Variants in NLRP8 observed in about 807,000 individuals in gnomAD.
The protein encoded by NLRP8 is NACHT, LRR and PYD domains-containing protein 8.
In NLRP8, 86 loss-of-function variants were observed where a neutral mutation model predicts 88.7. The ratio of observed to expected loss-of-function variants is 0.97; its 90% confidence interval spans 0.81 to 1.16. NLRP8 has a LOEUF of 1.16. Ranked by LOEUF, NLRP8 falls within the 50% of genes most tolerant of loss-of-function variation. The pLI is 0.00. For synonymous variants in NLRP8, 504 were observed against 494.6 expected (o/e 1.02, Z -0.25); for missense variants, 1,342 against 1,286.5 (o/e 1.04, Z -0.66).
intron 9 of NLRP8, among the ~76,000 whole-genome samples, chr19:55,983,091 G>A (rs1329900438): frequency 6.6e-6 from 1 of 152,140 alleles, no homozygotes; most frequent in African/African-American, 2.4e-5. Flanking sequence ...CTTGGTTCTT[G>A]TCTTCATTTA....
Position 55,970,696 on chromosome 19 carries a change from C to T in NLRP8, c.2534C>T (p.Ser845Leu), listed in dbSNP as rs770021145. ...TCTGTGGCCCAGCTGGAGAGGCTGT[C>T]GTAAGTCTCCTTTCTAGTGGCTGTG... Residue 845 changes from serine (S) to leucine (L), a missense_variant and splice_region_variant, in exon 6 of 10, where the codon TCG becomes TTG. Coordinates refer to ENST00000291971, the MANE Select transcript of NLRP8 (RefSeq NM_176811.2). The T allele has an allele frequency of 2.9e-5, 46 of 1,613,686 alleles. No individual in the cohort carries two copies. In the Middle Eastern group the frequency reaches 4.9e-4, roughly 17 times the overall value.
chr19:55,965,831 G>A (rs558467258), intron 4 of NLRP8, among the ~76,000 whole-genome samples: 2 of 118,134 alleles, frequency 1.7e-5, no homozygotes, highest in South Asian at 6.4e-4. Flanking sequence ...AGAGGCCCCG[G>A]TATGTGATGT....
At position 55,970,702 on chromosome 19, in the gene NLRP8, TCTC is replaced by T. The variant is rs1239684052; in HGVS notation, c.2534+9_2534+11del. On this transcript the variant is annotated splice_region_variant and intron_variant, in intron 6 of 9. Transcript: ENST00000291971. ...GCCCAGCTGGAGAGGCTGTCGTAAG[TCTC>T]CTTTCTAGTGGCTGTGGTTGTGGTT... is the stretch of plus-strand genomic sequence containing the variant. 2 of 1,613,890 alleles carry T rather than the reference TCTC, an allele frequency of 1.2e-6. No homozygotes were observed. Among genetic ancestry groups the T allele is most frequent in the Admixed American group, 3.3e-5 (2 of 59,964 alleles).
Position 55,973,740 on chromosome 19 carries a change from G to A in NLRP8, c.2623G>A (p.Ala875Thr), listed in dbSNP as rs762558643. The A allele has an allele frequency of 6.2e-7, 1 of 1,613,928 alleles. No individual in the cohort carries two copies. Among genetic ancestry groups the A allele is most frequent in the African/African-American group, 1.3e-5 (1 of 74,898 alleles). ...TAAGATGCTGACCCACCTGAGCTTGGCAGAAAACGCCTTGAAAGATGAAGG... is the reference window on the plus strand; with the variant it reads ...TAAGATGCTGACCCACCTGAGCTTGACAGAAAACGCCTTGAAAGATGAAGG... Residue 875 changes from alanine (A) to threonine (T), a missense_variant, in exon 7 of 10, where the codon GCA (alanine) becomes ACA (threonine). Ala to Thr is a moderately conservative substitution (Grantham distance 58). Coordinates refer to ENST00000291971, the MANE Select transcript of NLRP8 (RefSeq NM_176811.2).
At chr19:55,957,062 G>A (rs915489882) in intron 3 of NLRP8, among the ~76,000 whole-genome samples, 1 of 152,124 alleles carries the variant, frequency 6.6e-6, no homozygotes, top group Non-Finnish European at 1.5e-5. Flanking sequence ...CAAAGCACTG[G>A]AATTACAGGC....
At chr19:55,974,071 C>T (rs1007895466) in intron 7 of NLRP8, among the ~76,000 whole-genome samples, 3 of 151,794 alleles carry the variant, frequency 2.0e-5, no homozygotes, top group African/African-American at 7.3e-5. Flanking sequence ...AGAAGGACTG[C>T]AGGGTATTTT....
chr19:55,969,426 G>T (rs944028605), intron 5 of NLRP8, among the ~76,000 whole-genome samples: 3 of 152,190 alleles, frequency 2.0e-5, no homozygotes, highest in Non-Finnish European at 4.4e-5. Context: ...TGCTGCAAAA[G>T]ACATCATTTC....
chr19:55,953,270 T>C (rs1391798741), intron 2 of NLRP8, among the ~76,000 whole-genome samples: 1 of 152,074 alleles, frequency 6.6e-6, no homozygotes, highest in African/African-American at 2.4e-5. Context: ...GACCATCGAG[T>C]TGCGGGAAAA....
At chr19:55,951,761 T>C (rs557293222) in intron 1 of NLRP8, among the ~76,000 whole-genome samples, 4 of 152,192 alleles carry the variant, frequency 2.6e-5, no homozygotes, top group Non-Finnish European at 5.9e-5. Flanking sequence ...GGGTTTTTTA[T>C]TTTTTTGAGA....
chr19:55,976,748 G>A (rs1980353689), intron 8 of NLRP8, among the ~76,000 whole-genome samples: 1 of 149,998 alleles, frequency 6.7e-6, no homozygotes, highest in Admixed American at 6.7e-5. Flanking sequence ...ATATAAAGAT[G>A]TATCTAAAGA....
At chr19:55,984,647 A>C (rs1600320887) in intron 9 of NLRP8, among the ~76,000 whole-genome samples, 7 of 93,574 alleles carry the variant, frequency 7.5e-5, no homozygotes, top group African/African-American at 1.7e-4. Flanking sequence ...AAAGCAAAAC[A>C]CTGTCTCCAA....
intron 9 of NLRP8, among the ~76,000 whole-genome samples, chr19:55,986,836 T>C (rs1980866545): frequency 6.6e-6 from 1 of 152,160 alleles, no homozygotes; most frequent in Non-Finnish European, 1.5e-5. Flanking sequence ...GTATTCCTCC[T>C]GTCTTGCTCT....
At chr19:55,987,120 G>A (rs996010359) in intron 9 of NLRP8, among the ~76,000 whole-genome samples, 15 of 152,356 alleles carry the variant, frequency 9.8e-5, no homozygotes, top group Admixed American at 9.8e-4. Context: ...TATAATCCCA[G>A]CACTTTGGGA....
intron 9 of NLRP8, among the ~76,000 whole-genome samples, chr19:55,981,512 A>G (rs1301434645): frequency 6.6e-6 from 1 of 152,192 alleles, no homozygotes; most frequent in African/African-American, 2.4e-5. Flanking sequence ...CTTCAAGGGT[A>G]TTAGAAAAAT....
chr19:55,986,419 T>TTC (rs570720036), intron 9 of NLRP8, among the ~76,000 whole-genome samples: 1 of 130,142 alleles, frequency 7.7e-6, no homozygotes, highest in Non-Finnish European at 1.7e-5. Flanking sequence ...GTCTCACACA[T>TTC]TCTCTCTCTC....
Position 55,955,071 on chromosome 19 carries a change from C to T in NLRP8, c.1013C>T (p.Ser338Phe), listed in dbSNP as rs199475837. ...CTACTGATCATGATAAGATTTACCT[C>T]TTGGCAGACATGCAAGCCCTTGCTG... The change falls in exon 3 of 10, where the codon TCT (serine) becomes TTT (phenylalanine). Residue 338 changes from serine (S) to phenylalanine (F), a missense_variant. By Grantham distance (155) the Ser-to-Phe change is radical. Coordinates refer to ENST00000291971, the MANE Select transcript of NLRP8 (RefSeq NM_176811.2). 3 of 1,614,102 alleles carry T rather than the reference C, an allele frequency of 1.9e-6. No individual in the cohort carries two copies. Among genetic ancestry groups the T allele is most frequent in the Non-Finnish European group, 2.5e-6 (3 of 1,179,980 alleles).
rs772937593 is a variant in NLRP8 at position 55,954,368 on chromosome 19, A to G, written c.443-133A>G. 132 of 881,208 alleles carry G rather than the reference A, an allele frequency of 1.5e-4. 1 individual carries two copies. Among genetic ancestry groups the G allele is most frequent in the Middle Eastern group, 4.7e-4 (2 of 4,278 alleles). 54.6% of individuals were successfully genotyped at this position (881,208 alleles called of 1,614,324 possible). A position where few individuals can be genotyped will look rare whatever the true frequency, so the allele number is the denominator to read the frequency against. The stretch of plus-strand genomic sequence containing the variant: ...CCTAGTTGACACAGCAGTATCAGGA[A>G]AGGTTATTTCATTTATGCAAGGGCA... On this transcript the variant is annotated intron_variant, in intron 2 of 9. Coordinates refer to ENST00000291971, the MANE Select transcript of NLRP8 (RefSeq NM_176811.2).
intron 3 of NLRP8, 135 bp from the exon 4 acceptor site, chr19:55,961,932 T>G: frequency 1.5e-6 from 1 of 673,302 alleles, no homozygotes; most frequent in Non-Finnish European, 2.3e-6. Flanking sequence ...GAGTGCTTTA[T>G]TTAAATGAGG....
At chr19:55,958,295 G>A (rs887912072) in intron 3 of NLRP8, among the ~76,000 whole-genome samples, 4 of 152,212 alleles carry the variant, frequency 2.6e-5, no homozygotes, top group Non-Finnish European at 4.4e-5. Flanking sequence ...GCATATGGAT[G>A]TGTAGCGCTA....
Sources: gnomAD v4.1 joint callset for allele counts (sites outside exome capture counted in the v4.1 genomes callset) on GRCh38, gnomAD v4.1.1 for gene constraint, MANE v1.5 for transcripts, NCBI Gene and HGNC (gene_info 2026-07-23, HGNC 2026-07-21) for gene names.